The following CT45A10 variants were observed in gnomAD, a reference collection of about 807,000 sequenced individuals.
CT45A10 encodes cancer/testis antigen family 45 member A10.
A neutral mutation model predicts 8.3 loss-of-function variants in CT45A10; 19 were observed. The ratio of observed to expected loss-of-function variants is 2.30; its 90% CI spans 1.61 to 3.38. CT45A10 has a LOEUF of 3.38. Ranked by LOEUF, CT45A10 falls within the 30% of genes most tolerant of loss-of-function variation. CT45A10 has a pLI of 0.00. For missense variants in CT45A10, 149 were observed against 85.9 expected (o/e 1.73, Z -2.90); for synonymous variants, 28 against 26.5 (o/e 1.06, Z -0.17).
chrX:135,891,650 A>G (rs1375558547), intron 1 of CT45A10, among the ~76,000 whole-genome samples: 1 of 110,303 alleles, frequency 9.1e-6, no homozygotes, highest in African/African-American at 3.3e-5. Flanking sequence ...GAGATCTAGA[A>G]GAAAACTTAG....
intron 1 of CT45A10, among the ~76,000 whole-genome samples, chrX:135,891,897 G>A (rs2088503412): frequency 9.1e-6 from 1 of 110,365 alleles, no homozygotes. Context: ...CAGAATATAT[G>A]TAAACTACAA....
intron 1 of CT45A10, among the ~76,000 whole-genome samples, chrX:135,892,449 C>T (rs782213693): frequency 2.0e-4 from 22 of 111,588 alleles, no homozygotes; most frequent in Non-Finnish European, 3.6e-4. Context: ...GATTCCTGCA[C>T]AGACATCTGA....
Position 135,889,892 on chromosome X carries a change from G to A in CT45A10, c.-7+3453C>T, listed in dbSNP as rs940099778. ...CCTTGGCACCACCACCCGGCCCTAGGAGTTAAAAAAAGTAATAATAATTTC... is the reference window on the plus strand; with the variant it reads ...CCTTGGCACCACCACCCGGCCCTAGAAGTTAAAAAAAGTAATAATAATTTC... On this transcript the variant is annotated intron_variant, in intron 1 of 4. Coordinates refer to ENST00000682849, the MANE Select transcript of CT45A10 (RefSeq NM_001291529.2). 5.4e-5 allele frequency among the ~76,000 whole-genome samples: 6 copies of A among 110,131 alleles called. No individual in the cohort carries two copies. In the South Asian group the frequency reaches 1.9e-3, roughly 35 times the overall value.
At position 135,882,937 on chromosome X, in the gene CT45A10, G is replaced by A. The variant is rs1282790926; in HGVS notation, c.418+71C>T. On this transcript the variant is annotated intron_variant, in intron 3 of 4. Coordinates refer to ENST00000682849, the MANE Select transcript of CT45A10 (RefSeq NM_001291529.2). ...AAGAATGAGCCTCAAGAGGTAACATGGATATCTTCTGAATCATAGAAAGAG... is the reference window on the plus strand; with the variant it reads ...AAGAATGAGCCTCAAGAGGTAACATAGATATCTTCTGAATCATAGAAAGAG... The A allele has an allele frequency of 7.1e-6, 8 of 1,131,109 alleles. No homozygotes were observed. The African/African-American group carries it at 1.3e-4, about 18-fold the overall frequency. 93.2% of individuals were successfully genotyped at this position (1,131,109 alleles called of 1,213,427 possible).
chrX:135,889,688 A>G (rs782753904), intron 1 of CT45A10, among the ~76,000 whole-genome samples: 2 of 109,904 alleles, frequency 1.8e-5, no homozygotes, highest in South Asian at 7.9e-4. Context: ...CGTCTCTACT[A>G]AAAATACAGA....
intron 1 of CT45A10, among the ~76,000 whole-genome samples, chrX:135,892,115 G>A (rs1452965134): frequency 9.0e-6 from 1 of 110,713 alleles, no homozygotes; most frequent in African/African-American, 3.3e-5. Context: ...GAGTCCAGGA[G>A]TTCGAGACCA....
intron 2 of CT45A10, among the ~76,000 whole-genome samples, chrX:135,883,498 G>T (rs2088412715): frequency 9.1e-6 from 1 of 110,186 alleles, no homozygotes; most frequent in Non-Finnish European, 1.9e-5. Flanking sequence ...CGGAGGCCAG[G>T]ACACATAATA....
chrX:135,892,274 C>T (rs1435992093), intron 1 of CT45A10, among the ~76,000 whole-genome samples: 1 of 111,675 alleles, frequency 9.0e-6, no homozygotes, highest in African/African-American at 3.3e-5. Context: ...GATAAATTAA[C>T]ACTTTTAAAA....
Position 135,883,002 on chromosome X carries a change from ACTT to A in CT45A10, c.418+3_418+5del. 8.4e-7 allele frequency: 1 copy of A among 1,197,380 alleles called. No homozygotes were observed. The highest frequency in any genetic ancestry group is 1.1e-6 in the Non-Finnish European group (1 of 884,723). On this transcript the variant is annotated splice_donor_5th_base_variant and intron_variant, in intron 3 of 4. Transcript: ENST00000682849. Reference sequence around the variant, plus strand: ...TTTATAAAACAGACGTTCTTACACTACTTACTTCGTCCAAGGCATCGGATTTCC... The same window carrying A: ...TTTATAAAACAGACGTTCTTACACTAACTTCGTCCAAGGCATCGGATTTCC...
At chrX:135,889,430 G>T (rs1196445316) in intron 1 of CT45A10, among the ~76,000 whole-genome samples, 1 of 106,545 alleles carries the variant, frequency 9.4e-6, no homozygotes, top group Non-Finnish European at 1.9e-5. Context: ...AGTGAGCCAA[G>T]ATCGTGCCAG....
rs2088390320 is a variant in CT45A10 at position 135,882,574 on chromosome X, C to G, written c.474G>C (p.Arg158Ser). ...LEGVQGPTAV[R>S]KRFFESIIKE... ...TGATGATGGATTCAAAAAATCGTTT[C>G]CTGACTGCAGTAGGTCCTTGCACTC... is the stretch of plus-strand genomic sequence containing the variant. Residue 158 changes from arginine (R) to serine (S), a missense_variant, in exon 4 of 5, where the codon AGG becomes AGC. By Grantham distance (110) the Arg-to-Ser change is moderately radical. Transcript: ENST00000682849. 8.7e-6 allele frequency: 10 copies of G among 1,150,429 alleles called. No individual in the cohort carries two copies. Among genetic ancestry groups the G allele is most frequent in the South Asian group, 1.9e-5 (1 of 53,669 alleles). The allele number at this position is 1,150,429 out of a possible 1,213,427, so 94.8% of individuals were successfully genotyped here.
At chrX:135,890,550 C>T (rs2088490955) in intron 1 of CT45A10, among the ~76,000 whole-genome samples, 1 of 112,410 alleles carries the variant, frequency 8.9e-6, no homozygotes, top group East Asian at 2.8e-4. Context: ...TGTACCTGTA[C>T]CAGCCCTTTG....
Position 135,883,116 on chromosome X carries a change from C to G in CT45A10, c.310G>C (p.Gly104Arg). 1 of 1,198,998 alleles carries G rather than the reference C, an allele frequency of 8.3e-7. No homozygotes were observed. Among genetic ancestry groups the G allele is most frequent in the Non-Finnish European group, 1.1e-6 (1 of 885,987 alleles). ...ATTCCTCTGCATTCTAGGTCATCTCCAGAGAAATTGCTGGTAACGTTTCCT... is the reference window on the plus strand; with the variant it reads ...ATTCCTCTGCATTCTAGGTCATCTCGAGAGAAATTGCTGGTAACGTTTCCT... ...VGGNVTSNFS[G>R]DDLECRGIAS... Residue 104 changes from glycine (G) to arginine (R), a missense_variant, in exon 3 of 5, where the codon GGA becomes CGA. Coordinates refer to ENST00000682849, the MANE Select transcript of CT45A10 (RefSeq NM_001291529.2).
At chrX:135,890,883 T>A (rs1409611674) in intron 1 of CT45A10, among the ~76,000 whole-genome samples, 1 of 111,840 alleles carries the variant, frequency 8.9e-6, no homozygotes, top group Non-Finnish European at 1.9e-5. Flanking sequence ...CTACTAAATA[T>A]GAGATTTACT....
intron 1 of CT45A10, among the ~76,000 whole-genome samples, 111 bp downstream of exon 1, chrX:135,893,234 C>T (rs2088526816): frequency 9.0e-6 from 1 of 111,250 alleles, no homozygotes; most frequent in East Asian, 2.8e-4. Flanking sequence ...ACCACACACC[C>T]GACAGAGAAC....
intron 2 of CT45A10, among the ~76,000 whole-genome samples, chrX:135,883,541 G>C (rs2088413717): frequency 9.1e-6 from 1 of 110,080 alleles, no homozygotes; most frequent in African/African-American, 3.3e-5. Context: ...CTGTCGCCTT[G>C]AATAGATATG....
chrX:135,883,115 C>G lies in CT45A10; in HGVS notation c.311G>C (p.Gly104Ala), dbSNP rs1433816930. ...TATTCCTCTGCATTCTAGGTCATCT[C>G]CAGAGAAATTGCTGGTAACGTTTCC... ...VGGNVTSNFS[G>A]DDLECRGIAS... Residue 104 changes from glycine (G) to alanine (A), a missense_variant, in exon 3 of 5, where the codon GGA becomes GCA. Transcript: ENST00000682849. The G allele has an allele frequency of 8.4e-7, 1 of 1,197,430 alleles. No individual in the cohort carries two copies. The highest frequency in any genetic ancestry group is 1.8e-5 in the African/African-American group (1 of 56,486).
intron 1 of CT45A10, among the ~76,000 whole-genome samples, chrX:135,890,305 G>C (rs1466875636): frequency 1.8e-5 from 2 of 112,681 alleles, no homozygotes; most frequent in Non-Finnish European, 3.8e-5. Context: ...ATCCCTGCTG[G>C]GAACTCTGGC....
At chrX:135,891,474 G>T (rs1316280696) in intron 1 of CT45A10, among the ~76,000 whole-genome samples, 1 of 108,189 alleles carries the variant, frequency 9.2e-6, no homozygotes, top group Non-Finnish European at 1.9e-5. Flanking sequence ...AGTATATCCA[G>T]AACTACAAAT....
Sources: gnomAD v4.1 joint callset for allele counts (sites outside exome capture counted in the v4.1 genomes callset) on GRCh38, gnomAD v4.1.1 for gene constraint, MANE v1.5 for transcripts, NCBI Gene and HGNC (gene_info 2026-07-23, HGNC 2026-07-21) for gene names.